UBAP1: variants seen among roughly 807,000 people sequenced by gnomAD.
UBAP1 encodes ubiquitin associated protein 1, also known as ubiquitin-associated protein 1.
UBAP1 carries 5 observed loss-of-function variants against 39.0 expected under a neutral mutation model. The ratio of observed to expected loss-of-function variants is 0.13; its 90% CI spans 0.07 to 0.27. The LOEUF (loss-of-function observed/expected upper bound fraction) is 0.27, where lower values mean the gene tolerates loss of function less well. UBAP1 is among the 10% of genes least tolerant of loss of function. UBAP1 has a pLI of 1.00. For missense variants in UBAP1, 490 were observed against 608.1 expected, an observed-to-expected ratio of 0.81 and a Z score of 2.04; for synonymous variants, 211 against 225.1, an observed-to-expected ratio of 0.94 and a Z score of 0.56.
At chr9:34,250,019 C>G (rs1386231255) in intron 5 of UBAP1, 58 bp downstream of exon 5, 1 of 1,571,888 alleles carries the variant, frequency 6.4e-7, no homozygotes, top group Non-Finnish European at 8.7e-7. Flanking sequence ...GAGTAGTGTC[C>G]TCCCCTGTCC....
intron 2 of UBAP1, among the ~76,000 whole-genome samples, chr9:34,230,497 A>C (rs1216981436): frequency 6.6e-6 from 1 of 152,226 alleles, no homozygotes; most frequent in Admixed American, 6.5e-5. Context: ...CTTAGTGCCA[A>C]AGTTTCAGCT....
chr9:34,187,841 A>C (rs1348427962), intron 1 of UBAP1, among the ~76,000 whole-genome samples: 4 of 151,736 alleles, frequency 2.6e-5, no homozygotes, highest in East Asian at 1.9e-4. Context: ...AAAAAAAAAA[A>C]CAAAACTGTC....
intron 1 of UBAP1, among the ~76,000 whole-genome samples, chr9:34,218,967 C>T (rs966541186): frequency 6.6e-6 from 1 of 152,134 alleles, no homozygotes; most frequent in Admixed American, 6.6e-5. Flanking sequence ...AAATCATTTT[C>T]AGTATGGTTT....
At chr9:34,250,054 C>T (rs1834392015) in intron 5 of UBAP1, 93 bp downstream of exon 5, 1 of 1,347,246 alleles carries the variant, frequency 7.4e-7, no homozygotes, top group Non-Finnish European at 1.0e-6. Context: ...CTTGTAGCAC[C>T]AACCTCCTTT....
At chr9:34,241,161 C>A in intron 3 of UBAP1, 24 bp from the exon 4 acceptor site, 1 of 1,413,422 alleles carries the variant, frequency 7.1e-7, no homozygotes, top group Non-Finnish European at 9.3e-7. Flanking sequence ...GTTCACACCC[C>A]CTTCCTCTGC....
At chr9:34,204,901 T>G (rs751596070) in intron 1 of UBAP1, among the ~76,000 whole-genome samples, 14 of 152,220 alleles carry the variant, frequency 9.2e-5, no homozygotes, top group Non-Finnish European at 1.5e-4. Context: ...TGGTCAGATT[T>G]CCTCTTGAGG....
chr9:34,226,649 T>C lies in UBAP1; in HGVS notation c.34+5701T>C, dbSNP rs201927460. ...GCTTAAGCCTGGGAGTTCAAGGTTATAGTGAGCTATGATCACATATGCATT... is the reference window on the plus strand; with the variant it reads ...GCTTAAGCCTGGGAGTTCAAGGTTACAGTGAGCTATGATCACATATGCATT... On this transcript the variant is annotated intron_variant, in intron 2 of 6. Coordinates refer to ENST00000297661, the MANE Select transcript of UBAP1 (RefSeq NM_016525.5). Among the ~76,000 whole-genome samples the C allele has an allele frequency of 1.1e-4, 17 of 152,326 alleles. No homozygotes were observed. In the East Asian group the frequency reaches 3.3e-3, roughly 29 times the overall value.
chr9:34,216,254 A>T (rs927133863), intron 1 of UBAP1, among the ~76,000 whole-genome samples: 1 of 151,956 alleles, frequency 6.6e-6, no homozygotes, highest in South Asian at 2.1e-4. Context: ...GAAATTAACC[A>T]TGTTAAAATG....
intron 1 of UBAP1, among the ~76,000 whole-genome samples, chr9:34,189,554 T>G (rs1032571198): frequency 3.3e-5 from 5 of 152,064 alleles, no homozygotes; most frequent in African/African-American, 1.2e-4. Flanking sequence ...GAATTCAAGG[T>G]CAAATGGTCA....
intron 1 of UBAP1, among the ~76,000 whole-genome samples, chr9:34,203,465 G>A (rs993660047): frequency 6.6e-6 from 1 of 152,310 alleles, no homozygotes; most frequent in East Asian, 1.9e-4. Flanking sequence ...GAGCACTACT[G>A]TGGCCGGGCA....
Position 34,229,483 on chromosome 9 carries a change from C to T in UBAP1, c.35-4733C>T, listed in dbSNP as rs1422897500. Among the ~76,000 whole-genome samples the T allele has an allele frequency of 2.0e-5, 3 of 151,544 alleles. No homozygotes were observed. The East Asian group carries it at 5.8e-4, about 29-fold the overall frequency. On this transcript the variant is annotated intron_variant, in intron 2 of 6. Transcript: ENST00000297661. ...ATGTTGGCCAGGATGGTCTTGATCT[C>T]CTGACCTCGTGATCCTCCCACCTCA...
At chr9:34,209,056 TC>T (rs1044880425) in intron 1 of UBAP1, among the ~76,000 whole-genome samples, 1 of 151,998 alleles carries the variant, frequency 6.6e-6, no homozygotes, top group Non-Finnish European at 1.5e-5. Context: ...TGCCTCAGCC[TC>T]CCGTGTAGCT....
chr9:34,203,670 C>T (rs1256701006), intron 1 of UBAP1, among the ~76,000 whole-genome samples: 1 of 152,128 alleles, frequency 6.6e-6, no homozygotes, highest in South Asian at 2.1e-4. Flanking sequence ...TTTAATAGAA[C>T]TTTAAAGACA....
intron 1 of UBAP1, among the ~76,000 whole-genome samples, chr9:34,182,675 C>CT (rs555095439): frequency 1.4e-5 from 1 of 71,716 alleles, no homozygotes; most frequent in Non-Finnish European, 3.1e-5. Flanking sequence ...TTCTTTCTTT[C>CT]TTTCTTTCTC....
intron 1 of UBAP1, among the ~76,000 whole-genome samples, chr9:34,181,887 T>C (rs1336878751): frequency 6.6e-6 from 1 of 150,628 alleles, no homozygotes; most frequent in Non-Finnish European, 1.5e-5. Flanking sequence ...ATTTTGATTT[T>C]GAAGACAGAG....
intron 1 of UBAP1, among the ~76,000 whole-genome samples, chr9:34,199,144 G>T (rs996440383): frequency 3.3e-5 from 5 of 152,108 alleles, no homozygotes; most frequent in Admixed American, 6.6e-5. Flanking sequence ...TGCGATTTCG[G>T]CTCACTGCAA....
At chr9:34,235,146 A>G (rs559015982) in intron 3 of UBAP1, among the ~76,000 whole-genome samples, 207 of 152,272 alleles carry the variant, frequency 1.4e-3, no homozygotes, top group African/African-American at 4.8e-3. Context: ...TATAAAGAAA[A>G]ATGTTTTGGA....
intron 2 of UBAP1, among the ~76,000 whole-genome samples, chr9:34,228,921 T>C (rs1833259366): frequency 6.6e-6 from 1 of 151,980 alleles, no homozygotes; most frequent in Non-Finnish European, 1.5e-5. Context: ...CCTTTATCCC[T>C]ACCTCCTCCT....
At chr9:34,248,877 C>T (rs963126071) in intron 4 of UBAP1, among the ~76,000 whole-genome samples, 1 of 152,216 alleles carries the variant, frequency 6.6e-6, no homozygotes, top group African/African-American at 2.4e-5. Flanking sequence ...GTTCTTGGGA[C>T]CTGCGCCAAG....
Sources: gnomAD v4.1 joint callset for allele counts (sites outside exome capture counted in the v4.1 genomes callset) on GRCh38, gnomAD v4.1.1 for gene constraint, MANE v1.5 for transcripts, NCBI Gene and HGNC (gene_info 2026-07-23, HGNC 2026-07-21) for gene names.